HAND2: variants seen among roughly 807,000 people sequenced by gnomAD.
HAND2 encodes the protein heart and neural crest derivatives expressed 2, also known as heart- and neural crest derivatives-expressed protein 2.
HAND2 carries 2 observed loss-of-function variants against 14.7 expected under a neutral mutation model. The ratio of observed to expected loss-of-function variants is 0.14; its 90% CI spans 0.06 to 0.43. The LOEUF is 0.43. Ranked by LOEUF, HAND2 falls within the 20% of genes least tolerant of loss-of-function variation. HAND2 has a pLI of 0.99. For missense variants in HAND2, 275 were observed against 313.6 expected, an observed-to-expected ratio of 0.88 and a Z score of 0.93; for synonymous variants, 162 against 135.9, an observed-to-expected ratio of 1.19 and a Z score of -1.34.
In HAND2 at chr4:173,529,139, G is replaced by T; in HGVS notation, c.151C>A (p.Pro51Thr). 6.8e-7 allele frequency: 1 copy of T among 1,479,466 alleles called. No homozygotes were observed. 91.6% of individuals were successfully genotyped at this position (1,479,466 alleles called of 1,614,324 possible). ...CTGTAGTCGGGGGGCGACATCTCGG[G>T]GTGGCCGATGAGCCAGCCATGGAAG... ...PYFHGWLIGH[P>T]EMSPPDYSMA... is the part of the protein sequence containing the mutation. Residue 51 changes from proline (P) to threonine (T), a missense_variant, in exon 1 of 2, where the codon CCC becomes ACC. Physicochemically the swap from Pro to Thr is conservative, Grantham distance 38. Around this residue, in one of 4 missense-constraint regions of HAND2, gnomAD observed 175 missense variants for 157.1 expected, o/e 1.11. Transcript: ENST00000359562.
chr4:173,529,430 CGCAGAGGGGGCTGCTGCA>C lies in HAND2; in HGVS notation c.-159_-142del, dbSNP rs1731633058. The C allele has an allele frequency of 3.4e-6, 1 of 296,284 alleles. No homozygotes were observed. The highest frequency in any genetic ancestry group is 5.0e-6 in the Non-Finnish European group (1 of 198,922). 18.4% of individuals were successfully genotyped at this position (296,284 alleles called of 1,614,324 possible). On this transcript the variant is annotated 5_prime_UTR_variant, in exon 1 of 2. Coordinates refer to ENST00000359562, the MANE Select transcript of HAND2 (RefSeq NM_021973.3). ...CGGGCGCCCGGGCCCGCCCGGCAGC[CGCAGAGGGGGCTGCTGCA>C]GCCCGGGCCCCGTCCCCCCGCCTGG...
At position 173,528,482 on chromosome 4, in the gene HAND2, G is replaced by C. The variant is rs955281725; in HGVS notation, c.555+253C>G. The C allele has an allele frequency of 1.8e-6, 1 of 544,186 alleles. No individual in the cohort carries two copies. Among genetic ancestry groups the C allele is most frequent in the Admixed American group, 3.1e-5 (1 of 32,036 alleles). 33.7% of individuals were successfully genotyped at this position (544,186 alleles called of 1,614,324 possible). On this transcript the variant is annotated intron_variant, in intron 1 of 1. Transcript: ENST00000359562. This position sits in a 1 kb window ranked among gnomAD's most constrained non-coding sequence, Gnocchi z 5.6. ...TTCAAGGTCCGTCCTAAGTACTAGG[G>C]GAGCAGCGATAACCCGGAGGTAAGA...
chr4:173,526,421 G>A lies in HAND2; in HGVS notation c.*856C>T, dbSNP rs1362430636. The A allele has an allele frequency of 6.5e-6, 1 of 154,480 alleles. No individual in the cohort carries two copies. The highest frequency in any genetic ancestry group is 2.4e-5 in the African/African-American group (1 of 41,450). The allele number at this position is 154,480 out of a possible 1,614,324, so 9.6% of individuals were successfully genotyped here. ...GTAACAAGGACACTTCTCTTTAAGA[G>A]CACCTCCTCCTCCTGCGTAGGCCGC... On this transcript the variant is annotated 3_prime_UTR_variant, in exon 2 of 2. Transcript: ENST00000359562.
chr4:173,529,260 G>C lies in HAND2; in HGVS notation c.30C>G (p.His10Gln), dbSNP rs896779887. Residue 10 changes from histidine (H) to glutamine (Q), a missense_variant, in exon 1 of 2, where the codon CAC (histidine) becomes CAG (glutamine). Coordinates refer to ENST00000359562, the MANE Select transcript of HAND2 (RefSeq NM_021973.3). The part of the protein sequence containing the change: MSLVGGFPH[H>Q]PVVHHEGYPF... ...GGTAGCCCTCGTGGTGCACCACCGGGTGGTGGGGAAAACCACCTACCAGAC... is the reference window on the plus strand; with the variant it reads ...GGTAGCCCTCGTGGTGCACCACCGGCTGGTGGGGAAAACCACCTACCAGAC... 5 of 1,374,340 alleles carry C rather than the reference G, an allele frequency of 3.6e-6. No homozygotes were observed. The African/African-American group carries it at 4.6e-5, about 13-fold the overall frequency. The allele number at this position is 1,374,340 out of a possible 1,614,324, so 85.1% of individuals were successfully genotyped here. A position where few individuals can be genotyped will look rare whatever the true frequency, so the allele number is the denominator to read the frequency against.
chr4:173,526,849 T>C lies in HAND2; in HGVS notation c.*428A>G, dbSNP rs895052855. ...ACTTTATAATACCCAGGAATATTTA[T>C]ATCCAAAGGCCAAGTATTAAAGATA... On this transcript the variant is annotated 3_prime_UTR_variant, in exon 2 of 2. Transcript: ENST00000359562. The C allele has an allele frequency of 2.0e-5, 8 of 393,450 alleles. No individual in the cohort carries two copies. The highest frequency in any genetic ancestry group is 1.5e-4 in the African/African-American group (7 of 47,492). The allele number at this position is 393,450 out of a possible 1,614,324, so 24.4% of individuals were successfully genotyped here.
rs773962499 is a variant in HAND2 at position 173,528,930 on chromosome 4, G to A, written c.360C>T (p.Ala120=). 2 of 1,614,034 alleles carry A rather than the reference G, an allele frequency of 1.2e-6. No homozygotes were observed. Among genetic ancestry groups the A allele is most frequent in the South Asian group, 1.1e-5 (1 of 91,076 alleles). Residue 120 remains alanine (A), a synonymous_variant, in exon 1 of 2, where the codon GCC becomes GCT. Coordinates refer to ENST00000359562, the MANE Select transcript of HAND2 (RefSeq NM_021973.3). The surrounding 1 kb of genome is among the most constrained non-coding windows in gnomAD (Gnocchi z 5.6). ...CGTTGGGGATGCACTCGCGCAGTTCGGCGAAGGCGCTGTTGATGCTCTGAG... is the reference window on the plus strand; with the variant it reads ...CGTTGGGGATGCACTCGCGCAGTTCAGCGAAGGCGCTGTTGATGCTCTGAG... The part of the protein sequence containing the change: ...RRTQSINSAF[A]ELRECIPNVP...
intron 1 of HAND2, 29 bp from the exon 2 acceptor site, chr4:173,527,404 A>G: frequency 6.7e-7 from 1 of 1,494,600 alleles, no homozygotes. Flanking sequence ...AGGGCGAGAA[A>G]AGTGGAAAGA....
chr4:173,529,406 G>T lies in HAND2; in HGVS notation c.-117C>A. 3.9e-6 allele frequency: 2 copies of T among 510,930 alleles called. No homozygotes were observed. Among genetic ancestry groups the T allele is most frequent in the Non-Finnish European group, 4.7e-6 (2 of 429,630 alleles). The allele number at this position is 510,930 out of a possible 1,614,324, so 31.6% of individuals were successfully genotyped here. A position where few individuals can be genotyped will look rare whatever the true frequency, so the allele number is the denominator to read the frequency against. On this transcript the variant is annotated 5_prime_UTR_variant, in exon 1 of 2. Transcript: ENST00000359562. ...CCCCACCCCCCACCCCCCAGCCCCC[G>T]GGCGCCCGGGCCCGCCCGGCAGCCG...
chr4:173,529,136 C>A lies in HAND2; in HGVS notation c.154G>T (p.Glu52Ter). ...YFHGWLIGHP[E>*]MSPPDYSMAL... ...ATGCTGTAGTCGGGGGGCGACATCTCGGGGTGGCCGATGAGCCAGCCATGG... is the reference window on the plus strand; with the variant it reads ...ATGCTGTAGTCGGGGGGCGACATCTAGGGGTGGCCGATGAGCCAGCCATGG... Residue 52 changes from glutamate (E) to a stop codon, truncating the protein, a stop_gained, in exon 1 of 2, where the codon GAG (glutamate) becomes TAG (stop). Transcript: ENST00000359562. LOFTEE classifies it high-confidence loss of function. 6.8e-7 allele frequency: 1 copy of A among 1,478,554 alleles called. No homozygotes were observed. The allele number at this position is 1,478,554 out of a possible 1,614,324, so 91.6% of individuals were successfully genotyped here.
In HAND2 at chr4:173,527,253, TC is replaced by T; in HGVS notation, c.*23del. The T allele has an allele frequency of 6.8e-7, 1 of 1,479,528 alleles. No homozygotes were observed. The highest frequency in any genetic ancestry group is 9.4e-7 in the Non-Finnish European group (1 of 1,063,066). The allele number at this position is 1,479,528 out of a possible 1,614,324, so 91.7% of individuals were successfully genotyped here. A position where few individuals can be genotyped will look rare whatever the true frequency, so the allele number is the denominator to read the frequency against. On this transcript the variant is annotated 3_prime_UTR_variant, in exon 2 of 2. Coordinates refer to ENST00000359562, the MANE Select transcript of HAND2 (RefSeq NM_021973.3). ...CCTTGGCCCCTGCTCACTCGCGCTCTCCTCCTCCTCCTTCTCCTCCTCCTCA... is the reference window on the plus strand; with the variant it reads ...CCTTGGCCCCTGCTCACTCGCGCTCTCTCCTCCTCCTTCTCCTCCTCCTCA...
intron 1 of HAND2, chr4:173,527,965 A>T (rs1731510410): frequency 6.4e-6 from 1 of 156,848 alleles, no homozygotes; most frequent in Non-Finnish European, 1.4e-5. Context: ...TCTATCCTGC[A>T]CCACTGCCCT....
At position 173,528,425 on chromosome 4, in the gene HAND2, A is replaced by C. The variant is rs1731573981; in HGVS notation, c.555+310T>G. The C allele has an allele frequency of 2.4e-6, 1 of 422,804 alleles. No individual in the cohort carries two copies. Among genetic ancestry groups the C allele is most frequent in the Non-Finnish European group, 4.4e-6 (1 of 226,798 alleles). 26.2% of individuals were successfully genotyped at this position (422,804 alleles called of 1,614,324 possible). A position where few individuals can be genotyped will look rare whatever the true frequency, so the allele number is the denominator to read the frequency against. Reference sequence around the variant, plus strand: ...AGAGACGGGGTGAGGCATCCAGACCAGTGCGATCGCGATCGATCGCGACCC... The same window carrying C: ...AGAGACGGGGTGAGGCATCCAGACCCGTGCGATCGCGATCGATCGCGACCC... On this transcript the variant is annotated intron_variant, in intron 1 of 1. Transcript: ENST00000359562. This position sits in a 1 kb window ranked among gnomAD's most constrained non-coding sequence, Gnocchi z 5.6.
rs533429098 is a variant in HAND2 at position 173,526,455 on chromosome 4, G to A, written c.*822C>T. ...CCTCCTGCGTAGGCCGCAGGTCAGG[G>A]TGACTGGTTGGAACCACTGAGTCTT... On this transcript the variant is annotated 3_prime_UTR_variant, in exon 2 of 2. Coordinates refer to ENST00000359562, the MANE Select transcript of HAND2 (RefSeq NM_021973.3). 2 of 154,944 alleles carry A rather than the reference G, an allele frequency of 1.3e-5. No individual in the cohort carries two copies. The highest frequency in any genetic ancestry group is 4.8e-5 in the African/African-American group (2 of 41,462). The allele number at this position is 154,944 out of a possible 1,614,324, so 9.6% of individuals were successfully genotyped here.
chr4:173,527,815 C>A lies in HAND2; in HGVS notation c.556-440G>T, dbSNP rs533105417. The A allele has an allele frequency of 2.2e-3, 397 of 178,946 alleles. 2 individuals are homozygous for A. Among genetic ancestry groups the A allele is most frequent in the African/African-American group, 8.4e-3 (352 of 41,922 alleles). The allele number at this position is 178,946 out of a possible 1,614,324, so 11.1% of individuals were successfully genotyped here. A position where few individuals can be genotyped will look rare whatever the true frequency, so the allele number is the denominator to read the frequency against. ...CAGAGGCTCTCGGCCTCCAGCTCAG[C>A]AGTGCCTCTCCTCCAAGGCTTCTGA... is the stretch of plus-strand genomic sequence containing the variant. On this transcript the variant is annotated intron_variant, in intron 1 of 1. Transcript: ENST00000359562.
chr4:173,526,745 C>G lies in HAND2; in HGVS notation c.*532G>C, dbSNP rs745418674. 1.6e-5 allele frequency: 5 copies of G among 305,332 alleles called. No individual in the cohort carries two copies. The highest frequency in any genetic ancestry group is 4.3e-5 in the African/African-American group (2 of 46,118). 18.9% of individuals were successfully genotyped at this position (305,332 alleles called of 1,614,324 possible). A position where few individuals can be genotyped will look rare whatever the true frequency, so the allele number is the denominator to read the frequency against. ...GTTGGAAACATCTTCAAAGAGGGAA[C>G]GACCACAGATGAATGGATAGCACTA... On this transcript the variant is annotated 3_prime_UTR_variant, in exon 2 of 2. Transcript: ENST00000359562.
At chr4:173,527,671 T>G in intron 1 of HAND2, 1 of 409,302 alleles carries the variant, frequency 2.4e-6, no homozygotes, top group Non-Finnish European at 4.5e-6. Context: ...ACTCCAGATG[T>G]AGGGGCGGGA....
Position 173,527,157 on chromosome 4 carries a change from A to T in HAND2, c.*120T>A, listed in dbSNP as rs1249145609. ...AAATTGCACATAAATAAACCGGATG[A>T]TTCCAAATGCAAGGAGTCCTCAGAG... On this transcript the variant is annotated 3_prime_UTR_variant, in exon 2 of 2. Transcript: ENST00000359562. 5 of 748,080 alleles carry T rather than the reference A, an allele frequency of 6.7e-6. No individual in the cohort carries two copies. Among genetic ancestry groups the T allele is most frequent in the Non-Finnish European group, 1.2e-5 (5 of 414,170 alleles). The allele number at this position is 748,080 out of a possible 1,614,324, so 46.3% of individuals were successfully genotyped here.
chr4:173,528,621 C>T lies in HAND2; in HGVS notation c.555+114G>A, dbSNP rs1215464396. The T allele has an allele frequency of 4.6e-6, 6 of 1,303,532 alleles. No homozygotes were observed. Among genetic ancestry groups the T allele is most frequent in the Non-Finnish European group, 6.4e-6 (6 of 935,968 alleles). The allele number at this position is 1,303,532 out of a possible 1,614,324, so 80.7% of individuals were successfully genotyped here. On this transcript the variant is annotated intron_variant, in intron 1 of 1. Transcript: ENST00000359562. The surrounding 1 kb of genome is among the most constrained non-coding windows in gnomAD (Gnocchi z 5.6). ...CAACCTGGTGCAAACAACCTTGAAG[C>T]GGGACGCAGCCAAAGAACACGAGAT...
chr4:173,526,864 T>A lies in HAND2; in HGVS notation c.*413A>T, dbSNP rs1731467063. On this transcript the variant is annotated 3_prime_UTR_variant, in exon 2 of 2. Transcript: ENST00000359562. ...GGAATATTTATATCCAAAGGCCAAG[T>A]ATTAAAGATACACTTCACAAACGCA... 1 of 422,402 alleles carries A rather than the reference T, an allele frequency of 2.4e-6. No homozygotes were observed. The highest frequency in any genetic ancestry group is 4.7e-6 in the Non-Finnish European group (1 of 211,238). 26.2% of individuals were successfully genotyped at this position (422,402 alleles called of 1,614,324 possible). A position where few individuals can be genotyped will look rare whatever the true frequency, so the allele number is the denominator to read the frequency against.
Sources: allele counts gnomAD v4.1 joint callset, GRCh38; gene constraint gnomAD v4.1.1; regional missense constraint gnomAD v4.1.1; non-coding constraint Gnocchi (gnomAD v3.1); transcripts MANE v1.5; gene names NCBI Gene and HGNC (gene_info 2026-07-23, HGNC 2026-07-21).